Variants in KLHL32 observed in about 807,000 individuals in gnomAD.
KLHL32 encodes the protein kelch like family member 32.
In KLHL32, 35 loss-of-function variants were observed where a neutral mutation model predicts 64.8. That is an observed-to-expected ratio of 0.54 (90% CI 0.41 to 0.72). The LOEUF is 0.72. KLHL32 is among the 30% of genes least tolerant of loss of function. The probability of loss-of-function intolerance (pLI) is 0.00; values close to 1 mark genes in which losing one functional copy is unlikely to be tolerated. For synonymous variants in KLHL32, 259 were observed against 281.0 expected, an observed-to-expected ratio of 0.92 and a Z score of 0.78; for missense variants, 589 against 768.5, an observed-to-expected ratio of 0.77 and a Z score of 2.76.
chr6:96,991,939 A>G (rs1027566132), intron 3 of KLHL32, among the ~76,000 whole-genome samples: 1 of 151,514 alleles, frequency 6.6e-6, no homozygotes, highest in Non-Finnish European at 1.5e-5. Flanking sequence ...GATAGTCCCT[A>G]ATCACTGTGC....
intron 6 of KLHL32, among the ~76,000 whole-genome samples, chr6:97,092,952 G>A (rs755138539): frequency 6.6e-6 from 1 of 151,924 alleles, no homozygotes; most frequent in Non-Finnish European, 1.5e-5. Context: ...TGAGTTAATA[G>A]TTTTTTTTCT....
chr6:97,006,726 A>T (rs772379353), intron 3 of KLHL32, among the ~76,000 whole-genome samples: 1 of 152,084 alleles, frequency 6.6e-6, no homozygotes, highest in Non-Finnish European at 1.5e-5. Flanking sequence ...TCTGAAAAGG[A>T]TCTTATTTCT....
chr6:97,077,691 A>C (rs1438790816), intron 5 of KLHL32, among the ~76,000 whole-genome samples: 18 of 152,156 alleles, frequency 1.2e-4, no homozygotes, highest in Non-Finnish European at 1.2e-4. Flanking sequence ...ATTGTGGGAG[A>C]GCTGTTTATT....
chr6:97,104,661 T>C (rs1796161375), intron 6 of KLHL32, among the ~76,000 whole-genome samples: 1 of 152,214 alleles, frequency 6.6e-6, no homozygotes, highest in Non-Finnish European at 1.5e-5. Context: ...TGTAGTCAGC[T>C]ATAATGGTTA....
chr6:96,944,282 AG>A (rs1245818506), intron 1 of KLHL32, among the ~76,000 whole-genome samples: 1 of 152,256 alleles, frequency 6.6e-6, no homozygotes, highest in Admixed American at 6.5e-5. Flanking sequence ...AAAAGAGCCT[AG>A]GCAAGAATAA....
chr6:97,039,756 G>T (rs1784851087), intron 3 of KLHL32, among the ~76,000 whole-genome samples: 1 of 151,286 alleles, frequency 6.6e-6, no homozygotes, highest in Non-Finnish European at 1.5e-5. Context: ...GGAGGCAAAG[G>T]TTGCAGTGAG....
At chr6:97,086,226 T>C (rs1269767991) in intron 6 of KLHL32, among the ~76,000 whole-genome samples, 1 of 152,228 alleles carries the variant, frequency 6.6e-6, no homozygotes, top group Non-Finnish European at 1.5e-5. Flanking sequence ...AAACAGTGAA[T>C]CCCTGGTATC....
At chr6:97,096,721 T>C (rs894773873) in intron 6 of KLHL32, among the ~76,000 whole-genome samples, 1 of 152,266 alleles carries the variant, frequency 6.6e-6, no homozygotes, top group African/African-American at 2.4e-5. Context: ...ACAACTCCTG[T>C]TTGAGGCATG....
chr6:96,939,051 C>T (rs1401730084), intron 1 of KLHL32, among the ~76,000 whole-genome samples: 1 of 152,144 alleles, frequency 6.6e-6, no homozygotes, highest in African/African-American at 2.4e-5. Flanking sequence ...TCTACATTTT[C>T]CATTACTCAG....
chr6:97,010,452 C>G (rs1043992030), intron 3 of KLHL32, among the ~76,000 whole-genome samples: 3 of 152,184 alleles, frequency 2.0e-5, no homozygotes, highest in South Asian at 4.1e-4. Context: ...AAACATTTAT[C>G]AGCATCATTT....
At chr6:96,928,200 A>C (rs1769397476) in intron 1 of KLHL32, among the ~76,000 whole-genome samples, 1 of 152,202 alleles carries the variant, frequency 6.6e-6, no homozygotes, top group South Asian at 2.1e-4. Flanking sequence ...AGATCAGGTC[A>C]GTCCCTAGGT....
intron 3 of KLHL32, among the ~76,000 whole-genome samples, chr6:97,021,073 T>A (rs1781921920): frequency 6.6e-6 from 1 of 150,980 alleles, no homozygotes; most frequent in Non-Finnish European, 1.5e-5. Context: ...AAAAAAGATT[T>A]ATTATAAGGA....
At chr6:97,129,658 G>A (rs1246499408) in intron 8 of KLHL32, among the ~76,000 whole-genome samples, 6 of 152,084 alleles carry the variant, frequency 3.9e-5, no homozygotes, top group Admixed American at 1.3e-4. Context: ...GAGGTGGGTG[G>A]ATCACCTGAG....
At chr6:96,999,232 CA>C (rs1387148883) in intron 3 of KLHL32, among the ~76,000 whole-genome samples, 1 of 152,074 alleles carries the variant, frequency 6.6e-6, no homozygotes, top group African/African-American at 2.4e-5. Flanking sequence ...CCCATCTCTA[CA>C]AAAAATTAGA....
At position 97,139,220 on chromosome 6, in the gene KLHL32, T is replaced by A. The variant is rs144261428; in HGVS notation, c.1801T>A (p.Tyr601Asn). ...AGCAGCATGCTTCCTTCCAGCTCCATATTTTACATGCCCTAACCTTCAAAC... is the reference window on the plus strand; with the variant it reads ...AGCAGCATGCTTCCTTCCAGCTCCAAATTTTACATGCCCTAACCTTCAAAC... ...GIAACFLPAP[Y>N]FTCPNLQTLQ... is the part of the protein sequence containing the mutation. The change falls in exon 11 of 11, where the codon TAT becomes AAT. Residue 601 changes from tyrosine (Y) to asparagine (N), a missense_variant. Physicochemically the swap from Tyr to Asn is moderately radical, Grantham distance 143 (BLOSUM62 -2). This residue lies in a region of KLHL32 where 172 missense variants were observed against 192.0 expected (regional missense o/e 0.90). Coordinates refer to ENST00000369261, the MANE Select transcript of KLHL32 (RefSeq NM_052904.4). 15 of 1,613,960 alleles carry A rather than the reference T, an allele frequency of 9.3e-6. No homozygotes were observed. The highest frequency in any genetic ancestry group is 1.3e-5 in the African/African-American group (1 of 74,922).
intron 6 of KLHL32, chr6:97,105,646 G>T (rs926687527): frequency 5.5e-6 from 2 of 364,974 alleles, no homozygotes; most frequent in Non-Finnish European, 1.1e-5. Context: ...GCTGCCCCTG[G>T]CCAAGGAGCA....
chr6:96,925,386 T>A (rs866067019), intron 1 of KLHL32, among the ~76,000 whole-genome samples: 2 of 152,236 alleles, frequency 1.3e-5, no homozygotes, highest in Non-Finnish European at 1.5e-5. Flanking sequence ...GGACCTTTCG[T>A]AATTTGGCAT....
chr6:97,112,110 G>A (rs1410583620), intron 6 of KLHL32, among the ~76,000 whole-genome samples: 1 of 152,138 alleles, frequency 6.6e-6, no homozygotes, highest in Non-Finnish European at 1.5e-5. Flanking sequence ...TTCTCACTTT[G>A]GGCTGCGGTG....
chr6:97,110,906 CA>C (rs1244745594), intron 6 of KLHL32, among the ~76,000 whole-genome samples: 1 of 152,124 alleles, frequency 6.6e-6, no homozygotes, highest in African/African-American at 2.4e-5. Flanking sequence ...ATTGCTGGGC[CA>C]AATGCTTATT....
Sources: allele counts gnomAD v4.1 joint callset (sites outside exome capture counted in the v4.1 genomes callset), GRCh38; gene constraint gnomAD v4.1.1; regional missense constraint gnomAD v4.1.1; transcripts MANE v1.5; gene names NCBI Gene and HGNC (gene_info 2026-07-23, HGNC 2026-07-21).